The following SEC63 variants were observed in gnomAD, a reference collection of about 807,000 sequenced individuals.
SEC63 encodes the protein translocation protein SEC63 homolog.
SEC63 carries 56 observed loss-of-function variants against 116.2 expected under a neutral mutation model. That is an observed-to-expected ratio of 0.48 (90% CI 0.39 to 0.60). SEC63 has a LOEUF of 0.60. Ranked by LOEUF, SEC63 falls within the 20% of genes least tolerant of loss-of-function variation. The probability of loss-of-function intolerance (pLI) is 0.00; values close to 1 mark genes in which losing one functional copy is unlikely to be tolerated. For missense variants in SEC63, 668 were observed against 900.0 expected, an observed-to-expected ratio of 0.74 and a Z score of 3.30; for synonymous variants, 273 against 294.6, an observed-to-expected ratio of 0.93 and a Z score of 0.75.
At position 107,958,107 on chromosome 6, in the gene SEC63, A is replaced by ACACTGC; in HGVS notation, c.-104_-99dup. On this transcript the variant is annotated 5_prime_UTR_variant, in exon 1 of 21. Transcript: ENST00000369002. ...CCCCGGCCCGAGTGGCGTAGCTTGG[A>ACACTGC]CACTGCCGCCGCCGCCTCTCCTCCC... 1 of 1,560,318 alleles carries ACACTGC rather than the reference A, an allele frequency of 6.4e-7. No individual in the cohort carries two copies. The highest frequency in any genetic ancestry group is 1.7e-5 in the Admixed American group (1 of 58,758).
In SEC63 at chr6:107,908,923, T is replaced by G. The variant is rs1451926277; in HGVS notation, c.733+4A>C. On this transcript the variant is annotated splice_donor_region_variant and intron_variant, in intron 8 of 20. Transcript: ENST00000369002. ...AATAGCAAAGTTACTTAAAGTTTACTTACGTTTCATATCCATATTTCGGGT... is the reference window on the plus strand; with the variant it reads ...AATAGCAAAGTTACTTAAAGTTTACGTACGTTTCATATCCATATTTCGGGT... 1 of 1,556,304 alleles carries G rather than the reference T, an allele frequency of 6.4e-7. No homozygotes were observed.
chr6:107,877,683 C>A (rs920211685), intron 18 of SEC63, among the ~76,000 whole-genome samples: 2 of 152,126 alleles, frequency 1.3e-5, no homozygotes, highest in Admixed American at 1.3e-4. Context: ...CTCAAGCGAT[C>A]CTCCCATTTA....
chr6:107,882,270 T>C (rs548411726), intron 17 of SEC63, among the ~76,000 whole-genome samples: 1 of 152,156 alleles, frequency 6.6e-6, no homozygotes, highest in Non-Finnish European at 1.5e-5. Context: ...CAAACTACAG[T>C]GTTACTTTTA....
intron 1 of SEC63, among the ~76,000 whole-genome samples, chr6:107,948,401 A>G (rs752881462): frequency 2.0e-5 from 3 of 152,156 alleles, no homozygotes; most frequent in Non-Finnish European, 4.4e-5. Flanking sequence ...AAAATGAGAT[A>G]ATACATGAAT....
rs1236642030 is a variant in SEC63 at position 107,868,200 on chromosome 6, C to T, written c.*3504G>A. Reference sequence around the variant, plus strand: ...GAGGATTTCATGGAGTTAAATCAGACCGTTTGTGGGAAAATTGTTTCTTAA... The same window carrying T: ...GAGGATTTCATGGAGTTAAATCAGATCGTTTGTGGGAAAATTGTTTCTTAA... On this transcript the variant is annotated 3_prime_UTR_variant, in exon 21 of 21. Transcript: ENST00000369002. 1.4e-5 allele frequency: 2 copies of T among 140,736 alleles called. No individual in the cohort carries two copies. Among genetic ancestry groups the T allele is most frequent in the East Asian group, 4.0e-4 (2 of 4,964 alleles). 8.7% of individuals were successfully genotyped at this position (140,736 alleles called of 1,614,324 possible).
chr6:107,935,184 C>G (rs183989052), intron 1 of SEC63, among the ~76,000 whole-genome samples: 1 of 148,060 alleles, frequency 6.8e-6, no homozygotes, highest in Non-Finnish European at 1.5e-5. Context: ...GTCAGCCCCC[C>G]GCCCGGCCAG....
intron 4 of SEC63, among the ~76,000 whole-genome samples, chr6:107,916,512 T>A (rs1787402803): frequency 6.6e-6 from 1 of 152,270 alleles, no homozygotes; most frequent in African/African-American, 2.4e-5. Context: ...TTTCACAATT[T>A]GCTATTATAA....
At position 107,869,853 on chromosome 6, in the gene SEC63, A is replaced by G. The variant is rs1786088845; in HGVS notation, c.*1851T>C. Reference sequence around the variant, plus strand: ...CCAGAATCTTAAAACCAGAGAAGCCAGCTGTGTGAATGAACTTATAAAGCC... The same window carrying G: ...CCAGAATCTTAAAACCAGAGAAGCCGGCTGTGTGAATGAACTTATAAAGCC... On this transcript the variant is annotated 3_prime_UTR_variant, in exon 21 of 21. Transcript: ENST00000369002. 6.7e-6 allele frequency: 1 copy of G among 149,966 alleles called. No individual in the cohort carries two copies. Among genetic ancestry groups the G allele is most frequent in the Admixed American group, 6.7e-5 (1 of 15,028 alleles). 9.3% of individuals were successfully genotyped at this position (149,966 alleles called of 1,614,324 possible). A position where few individuals can be genotyped will look rare whatever the true frequency, so the allele number is the denominator to read the frequency against.
At position 107,912,709 on chromosome 6, in the gene SEC63, C is replaced by A. The variant is rs772710321; in HGVS notation, c.573+7G>T. On this transcript the variant is annotated splice_region_variant and intron_variant, in intron 6 of 20. Transcript: ENST00000369002. ...CATCATAATGTATCTTATTTAAATG[C>A]ACTCACCAGAATTGAGTTTTTCTGG... is the stretch of plus-strand genomic sequence containing the variant. 18 of 1,578,138 alleles carry A rather than the reference C, an allele frequency of 1.1e-5. No homozygotes were observed. The African/African-American group carries it at 2.3e-4, about 20-fold the overall frequency.
At chr6:107,934,608 G>A (rs1269764026) in intron 1 of SEC63, among the ~76,000 whole-genome samples, 8 of 148,780 alleles carry the variant, frequency 5.4e-5, no homozygotes, top group South Asian at 2.2e-4. Context: ...CAGCCACCCC[G>A]TCCGGGAGGG....
chr6:107,936,053 A>G (rs1021714496), intron 1 of SEC63, among the ~76,000 whole-genome samples: 5 of 152,224 alleles, frequency 3.3e-5, no homozygotes, highest in African/African-American at 9.6e-5. Flanking sequence ...AAAATCAAGG[A>G]AACATTTGAT....
In SEC63 at chr6:107,899,346, T is replaced by C. The variant is rs943879669; in HGVS notation, c.1358-1615A>G. Among the ~76,000 whole-genome samples the C allele has an allele frequency of 3.9e-5, 6 of 152,172 alleles. 1 individual carries two copies. Among genetic ancestry groups the C allele is most frequent in the African/African-American group, 1.4e-4 (6 of 41,434 alleles). On this transcript the variant is annotated intron_variant, in intron 13 of 20. Transcript: ENST00000369002. The stretch of plus-strand genomic sequence containing the variant: ...CTATGGAGTGGATCCATGGTAATAT[T>C]TGTCAGTGAGGCCGAACACTCTTAA...
rs770486264 is a variant in SEC63, at chr6:107,904,691, G to T, written c.992C>A (p.Ala331Asp). The change falls in exon 11 of 21, where the codon GCC becomes GAC. Residue 331 changes from alanine (A) to aspartate (D), a missense_variant. This residue lies in a region of SEC63 where 430 missense variants were observed against 557.5 expected (regional missense o/e 0.77). Transcript: ENST00000369002. ...DQQFMLKKCPALLQEMVNVIC... is the reference protein window; with the variant it reads ...DQQFMLKKCPDLLQEMVNVIC... Reference sequence around the variant, plus strand: ...TACATTAACCATTTCTTGAAGTAGGGCAGGACACTTTTTTAGCATGAATTG... The same window carrying T: ...TACATTAACCATTTCTTGAAGTAGGTCAGGACACTTTTTTAGCATGAATTG... The T allele has an allele frequency of 3.7e-6, 6 of 1,613,724 alleles. No homozygotes were observed. The highest frequency in any genetic ancestry group is 5.1e-6 in the Non-Finnish European group (6 of 1,179,644).
intron 1 of SEC63, among the ~76,000 whole-genome samples, chr6:107,940,675 G>C (rs1458938671): frequency 6.6e-6 from 1 of 151,442 alleles, no homozygotes; most frequent in Non-Finnish European, 1.5e-5. Flanking sequence ...TGAAAAGCAA[G>C]TTAAACGATA....
Position 107,870,570 on chromosome 6 carries a change from C to T in SEC63, c.*1134G>A, listed in dbSNP as rs1261963732. On this transcript the variant is annotated 3_prime_UTR_variant, in exon 21 of 21. Transcript: ENST00000369002. ...GATTCATCATGTACACATCTCTACT[C>T]TTTACAAGCACTATCCTTCCAGTTG... is the stretch of plus-strand genomic sequence containing the variant. 6.6e-6 allele frequency: 1 copy of T among 152,262 alleles called. No homozygotes were observed. The highest frequency in any genetic ancestry group is 1.5e-5 in the Non-Finnish European group (1 of 68,040). The allele number at this position is 152,262 out of a possible 1,614,324, so 9.4% of individuals were successfully genotyped here. A position where few individuals can be genotyped will look rare whatever the true frequency, so the allele number is the denominator to read the frequency against.
intron 16 of SEC63, among the ~76,000 whole-genome samples, chr6:107,887,255 C>A (rs1175746541): frequency 1.4e-5 from 2 of 147,802 alleles, no homozygotes; most frequent in African/African-American, 5.1e-5. Context: ...TGGGTATATA[C>A]CCAAAGGACT....
At chr6:107,957,837 C>A (rs1184141309) in intron 1 of SEC63, 49 bp downstream of exon 1, 3 of 1,548,536 alleles carry the variant, frequency 1.9e-6, no homozygotes, top group East Asian at 5.0e-5. Flanking sequence ...GGCCTGGGGG[C>A]GCTGGCGGGG....
intron 1 of SEC63, among the ~76,000 whole-genome samples, chr6:107,937,269 T>G (rs1197630216): frequency 6.6e-6 from 1 of 152,078 alleles, no homozygotes; most frequent in Non-Finnish European, 1.5e-5. Context: ...ATTACGGGCA[T>G]GCGCCACCAC....
In SEC63 at chr6:107,921,893, T is replaced by C; in HGVS notation, c.356A>G (p.Glu119Gly). The C allele has an allele frequency of 6.3e-7, 1 of 1,599,056 alleles. No homozygotes were observed. The highest frequency in any genetic ancestry group is 8.5e-7 in the Non-Finnish European group (1 of 1,172,580). The stretch of plus-strand genomic sequence containing the variant: ...CAGCAAACGATATTGTTTTTTAATT[T>C]CTGCTACTGTGGCTCCCTGGGGAAA... ...LNLDPGATVA[E>G]IKKQYRLLSL... is the part of the protein sequence containing the mutation. Residue 119 changes from glutamate (E) to glycine (G), a missense_variant, in exon 4 of 21, where the codon GAA becomes GGA. Around this residue, in one of 5 missense-constraint regions of SEC63, gnomAD observed 142 missense variants for 169.5 expected, o/e 0.84. Transcript: ENST00000369002.
Sources: allele counts gnomAD v4.1 joint callset (sites outside exome capture counted in the v4.1 genomes callset), GRCh38; gene constraint gnomAD v4.1.1; regional missense constraint gnomAD v4.1.1; transcripts MANE v1.5; gene names NCBI Gene and HGNC (gene_info 2026-07-23, HGNC 2026-07-21).